The following MYOM1 variants were observed in gnomAD, a reference collection of about 807,000 sequenced individuals.
The protein encoded by MYOM1 is myomesin 1.
In MYOM1, 164 loss-of-function variants were observed where a neutral mutation model predicts 205.3. The observed-to-expected ratio is 0.80, with a 90% confidence interval of 0.70 to 0.91. The LOEUF (loss-of-function observed/expected upper bound fraction) is 0.91. Ranked by LOEUF, MYOM1 falls within the 40% of genes least tolerant of loss-of-function variation. The probability of loss-of-function intolerance (pLI) is 0.00; values close to 1 mark genes in which losing one functional copy is unlikely to be tolerated. For missense variants in MYOM1, 2,011 were observed against 2,127.3 expected, an observed-to-expected ratio of 0.95 and a Z score of 1.08; for synonymous variants, 772 against 789.4, an observed-to-expected ratio of 0.98 and a Z score of 0.37.
At chr18:3,077,957 TCA>T (rs1282175461) in intron 34 of MYOM1, among the ~76,000 whole-genome samples, 1 of 151,834 alleles carries the variant, frequency 6.6e-6, no homozygotes, top group African/African-American at 2.4e-5. Flanking sequence ...CCAAAAACAC[TCA>T]CAGCAGGGCT....
intron 12 of MYOM1, among the ~76,000 whole-genome samples, chr18:3,151,430 GAATAA>G (rs1002320396): frequency 7.0e-6 from 1 of 142,066 alleles, no homozygotes; most frequent in Non-Finnish European, 1.5e-5. Context: ...AAATGTTTCT[GAATAA>G]AATAAAATAA....
chr18:3,221,536 A>C (rs2081329974), upstream of MYOM1, among the ~76,000 whole-genome samples: 1 of 152,238 alleles, frequency 6.6e-6, no homozygotes, highest in African/African-American at 2.4e-5. Flanking sequence ...GCATTTGCCA[A>C]AGATCACACA....
chr18:3,235,337 A>G, the MYOM1 span, among the ~76,000 whole-genome samples: 1 of 152,158 alleles, frequency 6.6e-6, no homozygotes, highest in Non-Finnish European at 1.5e-5. Context: ...GAGTGGCCTT[A>G]CCATCTGTCA....
At chr18:3,217,176 A>G (rs1172765762) in intron 1 of MYOM1, 2 of 152,338 alleles carry the variant, frequency 1.3e-5, no homozygotes, top group East Asian at 3.8e-4. Flanking sequence ...TAAGCCACCC[A>G]GTCCATGGCG....
chr18:3,238,233 A>AT, the MYOM1 span, among the ~76,000 whole-genome samples: 2 of 152,134 alleles, frequency 1.3e-5, no homozygotes, highest in Non-Finnish European at 2.9e-5. Flanking sequence ...ATTCCTCGCA[A>AT]TGCACAGTTC....
Position 3,188,861 on chromosome 18 carries a change from A to G in MYOM1, c.658T>C (p.Ser220Pro). 1 of 1,610,392 alleles carries G rather than the reference A, an allele frequency of 6.2e-7. No homozygotes were observed. The highest frequency in any genetic ancestry group is 1.1e-5 in the South Asian group (1 of 90,904). The change falls in exon 4 of 38, where the codon TCT becomes CCT. Residue 220 changes from serine (S) to proline (P), a missense_variant. Ser to Pro is a moderately conservative substitution (Grantham distance 74). Transcript: ENST00000356443. ...GATGTGGCCTGTTTGGAAACCACAGACTGCCTGGATGCCGTGGACTGCCTG... is the reference window on the plus strand; with the variant it reads ...GATGTGGCCTGTTTGGAAACCACAGGCTGCCTGGATGCCGTGGACTGCCTG... ...ASRQSTASRQSVVSKQATSAL... is the reference protein window; with the variant it reads ...ASRQSTASRQPVVSKQATSAL...
intron 18 of MYOM1, among the ~76,000 whole-genome samples, chr18:3,127,413 A>G (rs1051539822): frequency 6.7e-6 from 1 of 148,738 alleles, no homozygotes; most frequent in Non-Finnish European, 1.5e-5. Context: ...GGTTCAAGCA[A>G]TTCTCCTGCC....
chr18:3,148,858 A>G (rs948975705), intron 13 of MYOM1, among the ~76,000 whole-genome samples: 1 of 147,368 alleles, frequency 6.8e-6, no homozygotes, highest in African/African-American at 2.5e-5. Context: ...AAAAAAAAAA[A>G]AAAAAAAAAA....
At chr18:3,173,594 G>A (rs887326482) in intron 8 of MYOM1, among the ~76,000 whole-genome samples, 1 of 151,564 alleles carries the variant, frequency 6.6e-6, no homozygotes, top group Non-Finnish European at 1.5e-5. Context: ...GTGTGTGTGT[G>A]TGTGTGTGTG....
At chr18:3,138,076 C>T (rs1003203734) in intron 14 of MYOM1, among the ~76,000 whole-genome samples, 81 of 152,214 alleles carry the variant, frequency 5.3e-4, no homozygotes, top group African/African-American at 1.9e-3. Context: ...TGGAAATCCT[C>T]GAATGAAGGA....
At chr18:3,131,801 A>G (rs2079879503) in intron 16 of MYOM1, among the ~76,000 whole-genome samples, 1 of 151,870 alleles carries the variant, frequency 6.6e-6, no homozygotes, top group Non-Finnish European at 1.5e-5. Flanking sequence ...TAATATATAT[A>G]CTTTAGACAA....
intron 20 of MYOM1, 30 bp from the exon 21 acceptor site, chr18:3,116,545 A>G: frequency 6.7e-7 from 1 of 1,485,668 alleles, no homozygotes; most frequent in Non-Finnish European, 9.0e-7. Flanking sequence ...ATGAGTAGAA[A>G]TCATAACAGA....
chr18:3,160,630 A>G (rs2080378110), intron 10 of MYOM1, among the ~76,000 whole-genome samples: 1 of 152,252 alleles, frequency 6.6e-6, no homozygotes, highest in Non-Finnish European at 1.5e-5. Flanking sequence ...CCTAATATAT[A>G]TCATTTAAAA....
At chr18:3,144,062 C>A (rs1338111228) in intron 13 of MYOM1, among the ~76,000 whole-genome samples, 2 of 151,774 alleles carry the variant, frequency 1.3e-5, no homozygotes, top group South Asian at 4.2e-4. Context: ...AAAAATTAGC[C>A]GGGCATTGTG....
Position 3,129,396 on chromosome 18 carries a change from C to T in MYOM1, c.2630G>A (p.Ser877Asn). 1 of 1,613,984 alleles carries T rather than the reference C, an allele frequency of 6.2e-7. No homozygotes were observed. The highest frequency in any genetic ancestry group is 8.5e-7 in the Non-Finnish European group (1 of 1,179,882). Residue 877 changes from serine to asparagine, a missense_variant, in exon 18 of 38, where the codon AGC (serine) becomes AAC (asparagine). By Grantham distance (46) the Ser-to-Asn change is conservative. Transcript: ENST00000356443. Reference sequence around the variant, plus strand: ...GGGTAGTGAAGGTTTGTTAGGTTTGCTGCCAAGCAAAGCATCTTTCTGGAA... The same window carrying T: ...GGGTAGTGAAGGTTTGTTAGGTTTGTTGCCAAGCAAAGCATCTTTCTGGAA... The part of the protein sequence containing the change: ...PTFQKDALLG[S>N]KPNKPSLPSS...
chr18:3,140,049 TA>T (rs1170046868), intron 14 of MYOM1, among the ~76,000 whole-genome samples: 1 of 152,194 alleles, frequency 6.6e-6, no homozygotes, highest in African/African-American at 2.4e-5. Flanking sequence ...GGGTGTGTAT[TA>T]AACACACTAG....
In MYOM1 at chr18:3,142,011, C is replaced by G. The variant is rs758120214; in HGVS notation, c.1953G>C (p.Arg651=). ...GCTTCCAGCTGAGCACCACATAGCT[C>G]CGGGTGGCCTCAGTGACAGAGAGGT... ...PTDLSVTEAT[R]SYVVLSWKPP... The change falls in exon 14 of 38, where the codon CGG becomes CGC. Residue 651 remains arginine (R), a synonymous_variant. Coordinates refer to ENST00000356443, the MANE Select transcript of MYOM1 (RefSeq NM_003803.4). 6.2e-7 allele frequency: 1 copy of G among 1,613,898 alleles called. No individual in the cohort carries two copies. The highest frequency in any genetic ancestry group is 1.1e-5 in the South Asian group (1 of 91,074).
At chr18:3,080,642 C>G (rs1274155786) in intron 33 of MYOM1, among the ~76,000 whole-genome samples, 1 of 151,540 alleles carries the variant, frequency 6.6e-6, no homozygotes, top group African/African-American at 2.4e-5. Context: ...CCATTGCACT[C>G]CAGCCTGGGT....
intron 33 of MYOM1, among the ~76,000 whole-genome samples, chr18:3,080,970 A>G (rs1375307270): frequency 6.6e-6 from 1 of 152,036 alleles, no homozygotes; most frequent in Non-Finnish European, 1.5e-5. Context: ...CGTCTTTACT[A>G]AAAATACAAA....
Sources: gnomAD v4.1 joint callset for allele counts (sites outside exome capture counted in the v4.1 genomes callset) on GRCh38, gnomAD v4.1.1 for gene constraint, MANE v1.5 for transcripts, NCBI Gene and HGNC (gene_info 2026-07-23, HGNC 2026-07-21) for gene names.